ZNF469: variants seen among roughly 807,000 people sequenced by gnomAD.
ZNF469 encodes the protein zinc finger protein 469.
ZNF469 carries 1 observed loss-of-function variant against 1.0 expected under a neutral mutation model. The observed-to-expected ratio is 1.00, with a 90% CI of 0.35 to 4.73. The LOEUF is 4.73. Among genes scored for constraint, ZNF469 ranks in the 30% most tolerant of loss-of-function variants. The pLI is 0.16. For synonymous variants in ZNF469, 2,703 were observed against 2,363.4 expected (o/e 1.14, Z -4.17); for missense variants, 6,100 against 5,356.3 (o/e 1.14, Z -4.33).
the ZNF469 span, among the ~76,000 whole-genome samples, chr16:88,132,725 T>C: frequency 0.033 from 5,006 of 151,906 alleles, no homozygotes; most frequent in African/African-American, 0.11. Flanking sequence ...TCTCCTGGGC[T>C]TGGTGGCTGT....
chr16:88,167,784 C>T, the ZNF469 span, among the ~76,000 whole-genome samples: 43 of 152,314 alleles, frequency 2.8e-4, no homozygotes, highest in South Asian at 4.1e-4. Context: ...CCCTGGTTGC[C>T]GGAAGAGCAG....
chr16:88,287,305 A>T, the ZNF469 span, among the ~76,000 whole-genome samples: 85,948 of 152,174 alleles, frequency 0.56, 25,415 homozygotes, highest in East Asian at 0.78. Context: ...TGTCACAGTG[A>T]AACTGCTCTG....
the ZNF469 span, among the ~76,000 whole-genome samples, chr16:88,270,171 A>G: frequency 6.6e-6 from 1 of 151,922 alleles, no homozygotes; most frequent in Non-Finnish European, 1.5e-5. Flanking sequence ...CTCCTGGATG[A>G]CCCCAAGCCC....
At chr16:88,245,426 C>T in the ZNF469 span, among the ~76,000 whole-genome samples, 159 of 152,362 alleles carry the variant, frequency 1.0e-3, no homozygotes, top group Non-Finnish European at 2.0e-3. Flanking sequence ...CCTCCTGGAC[C>T]GTCCTCCCGC....
At chr16:88,346,309 C>G in the ZNF469 span, among the ~76,000 whole-genome samples, 1 of 152,174 alleles carries the variant, frequency 6.6e-6, no homozygotes, top group South Asian at 2.1e-4. Flanking sequence ...CGAGGCCCTG[C>G]GAGTGTGCTG....
chr16:88,380,440 C>A (rs2092518618), upstream of ZNF469, among the ~76,000 whole-genome samples: 1 of 146,640 alleles, frequency 6.8e-6, no homozygotes. Context: ...CACACATACA[C>A]AGTCACACAC....
chr16:88,161,230 T>C, the ZNF469 span, among the ~76,000 whole-genome samples: 1 of 152,168 alleles, frequency 6.6e-6, no homozygotes, highest in Admixed American at 6.5e-5. Context: ...GATTTATCTT[T>C]ACAAATACCA....
At chr16:88,282,613 A>T in the ZNF469 span, among the ~76,000 whole-genome samples, 2 of 152,194 alleles carry the variant, frequency 1.3e-5, no homozygotes, top group Non-Finnish European at 1.5e-5. Flanking sequence ...ACTCCTCCAC[A>T]CAGCTGCAGA....
At chr16:88,242,488 G>A in the ZNF469 span, among the ~76,000 whole-genome samples, 1 of 152,066 alleles carries the variant, frequency 6.6e-6, no homozygotes, top group South Asian at 2.1e-4. Context: ...AGGACACCAG[G>A]CAGATTGGAC....
chr16:88,243,953 A>ATAG, the ZNF469 span, among the ~76,000 whole-genome samples: 8 of 38,860 alleles, frequency 2.1e-4, no homozygotes, highest in African/African-American at 5.3e-4. Context: ...TATATATATA[A>ATAG]ATGTATGTGT....
the ZNF469 span, among the ~76,000 whole-genome samples, chr16:88,326,632 A>G: frequency 6.6e-6 from 1 of 152,088 alleles, no homozygotes; most frequent in African/African-American, 2.4e-5. Context: ...GGAGGTCAGG[A>G]CCAGAGTGCC....
the ZNF469 span, among the ~76,000 whole-genome samples, chr16:88,322,553 G>A: frequency 4.6e-5 from 7 of 152,322 alleles, no homozygotes; most frequent in South Asian, 6.2e-4. Context: ...CGGGAGCTAC[G>A]GCAAGTCCGG....
At chr16:88,309,658 T>C in the ZNF469 span, among the ~76,000 whole-genome samples, 9,893 of 136,354 alleles carry the variant, frequency 0.073, 568 homozygotes, top group East Asian at 0.18. Flanking sequence ...GGAGTGCCCT[T>C]TGAGGTGCCC....
chr16:88,295,460 T>C, the ZNF469 span, among the ~76,000 whole-genome samples: 1 of 145,452 alleles, frequency 6.9e-6, no homozygotes, highest in African/African-American at 2.6e-5. Context: ...GGGCTCAGGG[T>C]ATGGGGAGGA....
Position 88,429,311 on chromosome 16 carries a change from G to C in ZNF469, c.1841G>C (p.Ser614Thr). Residue 614 changes from serine (S) to threonine (T), a missense_variant, in exon 3 of 3, where the codon AGC becomes ACC. Physicochemically the swap from Ser to Thr is moderately conservative, Grantham distance 58 (BLOSUM62 1). Coordinates refer to ENST00000565624, the MANE Select transcript of ZNF469 (RefSeq NM_001367624.2). ...TCTTCCCTGTCGCCGATGTCCAGCA[G>C]CCCAGCCAACCCCAGCTCAGAGGAA... ...TCSSLSPMSS[S>T]PANPSSEESQ... 6.5e-7 allele frequency: 1 copy of C among 1,549,922 alleles called. No homozygotes were observed. Among genetic ancestry groups the C allele is most frequent in the Non-Finnish European group, 8.7e-7 (1 of 1,146,850 alleles).
chr16:88,415,361 C>A (rs1905276131), intron 1 of ZNF469, among the ~76,000 whole-genome samples: 1 of 152,226 alleles, frequency 6.6e-6, no homozygotes, highest in African/African-American at 2.4e-5. Flanking sequence ...GGAGCCAGGG[C>A]CCTTCCCCCA....
intron 1 of ZNF469, among the ~76,000 whole-genome samples, chr16:88,394,711 G>A (rs1174205631): frequency 6.6e-6 from 1 of 152,200 alleles, no homozygotes; most frequent in South Asian, 2.1e-4. Context: ...GAGACATCCA[G>A]GTGTTCAGAG....
chr16:88,359,690 G>A, the ZNF469 span, among the ~76,000 whole-genome samples: 5 of 152,178 alleles, frequency 3.3e-5, no homozygotes, highest in East Asian at 9.6e-4. Flanking sequence ...TTTGTTGGAA[G>A]AAAAATAAAA....
At chr16:88,381,024 ATG>A (rs2092522048), upstream of ZNF469, among the ~76,000 whole-genome samples, 1 of 147,864 alleles carries the variant, frequency 6.8e-6, no homozygotes, top group African/African-American at 2.5e-5. Context: ...GCTCACAGAC[ATG>A]CACTCACACA....
Sources: gnomAD v4.1 joint callset for allele counts (sites outside exome capture counted in the v4.1 genomes callset) on GRCh38, gnomAD v4.1.1 for gene constraint, MANE v1.5 for transcripts, NCBI Gene and HGNC (gene_info 2026-07-23, HGNC 2026-07-21) for gene names.